The following COX7B2 variants were observed in gnomAD, a reference collection of about 807,000 sequenced individuals.
The protein encoded by COX7B2 is cytochrome c oxidase subunit 7B2, mitochondrial.
For synonymous variants in COX7B2, 37 were observed against 32.1 expected (o/e 1.15, Z -0.51); for missense variants, 109 against 95.9 (o/e 1.14, Z -0.57).
chr4:46,739,630 G>A (rs908837420), intron 2 of COX7B2, among the ~76,000 whole-genome samples: 2 of 152,084 alleles, frequency 1.3e-5, no homozygotes, highest in African/African-American at 4.8e-5. Context: ...GGTTTTAGAA[G>A]AGATGATACC....
At chr4:46,793,924 T>C (rs1718184234) in intron 2 of COX7B2, among the ~76,000 whole-genome samples, 1 of 152,202 alleles carries the variant, frequency 6.6e-6, no homozygotes, top group Middle Eastern at 3.2e-3. Flanking sequence ...CCTTTGGCTG[T>C]GGCATCTACA....
intron 2 of COX7B2, among the ~76,000 whole-genome samples, chr4:46,810,958 T>G (rs1308383046): frequency 6.6e-6 from 1 of 152,196 alleles, no homozygotes; most frequent in Non-Finnish European, 1.5e-5. Context: ...TTCAGCACTT[T>G]GACAATATAA....
chr4:46,805,088 G>A (rs1054919240), intron 2 of COX7B2, among the ~76,000 whole-genome samples: 2 of 152,172 alleles, frequency 1.3e-5, no homozygotes. Flanking sequence ...CACTCCGAGT[G>A]CAGGACCCGC....
At position 46,802,520 on chromosome 4, in the gene COX7B2, T is replaced by G. The variant is rs558786193; in HGVS notation, c.-50+42440A>C. Among the ~76,000 whole-genome samples the G allele has an allele frequency of 2.2e-4, 34 of 152,260 alleles. 1 individual carries two copies. The highest frequency in any genetic ancestry group is 7.0e-4 in the African/African-American group (29 of 41,560). On this transcript the variant is annotated intron_variant, in intron 2 of 2. Transcript: ENST00000355591. Reference sequence around the variant, plus strand: ...TTGTTTTTTTAAAATATGCTGCTTTTGGGGCATAAAGCTCTAATTATAAGT... The same window carrying G: ...TTGTTTTTTTAAAATATGCTGCTTTGGGGGCATAAAGCTCTAATTATAAGT...
intron 2 of COX7B2, among the ~76,000 whole-genome samples, chr4:46,771,634 A>G (rs1464607083): frequency 6.6e-6 from 1 of 152,048 alleles, no homozygotes; most frequent in Non-Finnish European, 1.5e-5. Context: ...CCAAAATCCA[A>G]AACTTTTTGA....
chr4:46,872,430 T>A (rs1407423343), intron 1 of COX7B2, among the ~76,000 whole-genome samples: 2 of 152,150 alleles, frequency 1.3e-5, no homozygotes, highest in African/African-American at 4.8e-5. Flanking sequence ...TACACGTGTT[T>A]ACCTGTGTAA....
chr4:46,873,231 C>T (rs761292024), intron 1 of COX7B2, among the ~76,000 whole-genome samples: 5 of 152,104 alleles, frequency 3.3e-5, no homozygotes, highest in African/African-American at 4.8e-5. Context: ...CATTGCTGAA[C>T]ATTTGGGTTG....
chr4:46,789,599 A>G (rs1717930353), intron 2 of COX7B2, among the ~76,000 whole-genome samples: 1 of 152,302 alleles, frequency 6.6e-6, no homozygotes, highest in South Asian at 2.1e-4. Context: ...TATAAAATGG[A>G]ATAGAGATAT....
At chr4:46,770,368 A>G (rs769582182) in intron 2 of COX7B2, among the ~76,000 whole-genome samples, 12 of 152,176 alleles carry the variant, frequency 7.9e-5, no homozygotes, top group Admixed American at 2.6e-4. Context: ...AAATAATAAT[A>G]CCTTATGTTC....
chr4:46,805,576 G>T (rs1249947675), intron 2 of COX7B2, among the ~76,000 whole-genome samples: 3 of 152,122 alleles, frequency 2.0e-5, no homozygotes, highest in Non-Finnish European at 4.4e-5. Context: ...AATTTATATG[G>T]ATAACAAATA....
chr4:46,905,030 C>T (rs993610202), intron 1 of COX7B2, among the ~76,000 whole-genome samples: 2 of 152,074 alleles, frequency 1.3e-5, no homozygotes, highest in South Asian at 2.1e-4. Context: ...AAAACCTTTT[C>T]GAGCCTATTT....
In COX7B2 at chr4:46,813,348, T is replaced by C. The variant is rs1283519637; in HGVS notation, c.-50+31612A>G. ...ATTATCTCTTCAATATATGAATTTC[T>C]TTTCCTTGAAACACTTCAGGACATT... On this transcript the variant is annotated intron_variant, in intron 2 of 2. Transcript: ENST00000355591. Among the ~76,000 whole-genome samples, 5 of 152,216 alleles carry C rather than the reference T, an allele frequency of 3.3e-5. No individual in the cohort carries two copies. The East Asian group carries it at 7.7e-4, about 23-fold the overall frequency.
intron 2 of COX7B2, among the ~76,000 whole-genome samples, chr4:46,812,619 G>A (rs1719342665): frequency 6.6e-6 from 1 of 152,170 alleles, no homozygotes; most frequent in Admixed American, 6.5e-5. Flanking sequence ...GCAGTACAGT[G>A]ATGCTTTCAC....
intron 2 of COX7B2, among the ~76,000 whole-genome samples, chr4:46,752,423 CT>C (rs1322824698): frequency 1.3e-5 from 2 of 152,050 alleles, no homozygotes; most frequent in Non-Finnish European, 2.9e-5. Flanking sequence ...TTTCTCCTGC[CT>C]GATTACCCTG....
intron 2 of COX7B2, among the ~76,000 whole-genome samples, chr4:46,831,352 C>T (rs923694757): frequency 6.6e-6 from 1 of 152,114 alleles, no homozygotes; most frequent in South Asian, 2.1e-4. Context: ...GGCTCCTGTG[C>T]GGCCCGAGCC....
chr4:46,802,268 T>C (rs1160080953), intron 2 of COX7B2, among the ~76,000 whole-genome samples: 1 of 152,128 alleles, frequency 6.6e-6, no homozygotes, highest in East Asian at 1.9e-4. Flanking sequence ...GTAGGACCTA[T>C]ATTGTGGTTT....
Position 46,827,251 on chromosome 4 carries a change from C to T in COX7B2, c.-50+17709G>A, listed in dbSNP as rs943628377. On this transcript the variant is annotated intron_variant, in intron 2 of 2. Transcript: ENST00000355591. ...AAGAAAGGAAAAAGCTATAAATTTA[C>T]AGGTCCAAGAAATTTACAAACTCCA... is the stretch of plus-strand genomic sequence containing the variant. 2.0e-5 allele frequency among the ~76,000 whole-genome samples: 3 copies of T among 151,970 alleles called. No individual in the cohort carries two copies. The South Asian group carries it at 6.2e-4, about 32-fold the overall frequency.
intron 2 of COX7B2, among the ~76,000 whole-genome samples, chr4:46,797,377 T>C (rs1718420111): frequency 6.6e-6 from 1 of 152,184 alleles, no homozygotes; most frequent in South Asian, 2.1e-4. Flanking sequence ...ATGTGATTAA[T>C]GAAATTTTAG....
chr4:46,855,465 T>A (rs1716952493), intron 1 of COX7B2, among the ~76,000 whole-genome samples: 1 of 151,946 alleles, frequency 6.6e-6, no homozygotes, highest in Non-Finnish European at 1.5e-5. Flanking sequence ...TATTCCTGAT[T>A]TAAAATAAAG....
Sources: allele counts gnomAD v4.1 joint callset (sites outside exome capture counted in the v4.1 genomes callset), GRCh38; gene constraint gnomAD v4.1.1; transcripts MANE v1.5; gene names NCBI Gene and HGNC (gene_info 2026-07-23, HGNC 2026-07-21).